Variants in ZNF100 observed in about 807,000 individuals in gnomAD.
ZNF100 encodes zinc finger protein 100, also known as zinc finger protein 100 (Y1).
A neutral mutation model predicts 15.8 loss-of-function variants in ZNF100; 12 were observed. The ratio of observed to expected loss-of-function variants is 0.76; its 90% confidence interval spans 0.49 to 1.23. The LOEUF (loss-of-function observed/expected upper bound fraction) is 1.23. Ranked by LOEUF, ZNF100 falls within the 50% of genes most tolerant of loss-of-function variation. ZNF100 has a pLI of 0.00. For missense variants in ZNF100, 670 were observed against 635.6 expected (o/e 1.05, Z -0.58); for synonymous variants, 226 against 214.8 (o/e 1.05, Z -0.45).
In ZNF100 at chr19:21,767,550, G is replaced by A. The variant is rs1164026997; in HGVS notation, c.-121C>T. 8 of 1,441,270 alleles carry A rather than the reference G, an allele frequency of 5.6e-6. No homozygotes were observed. Among genetic ancestry groups the A allele is most frequent in the South Asian group, 1.3e-5 (1 of 77,350 alleles). 89.3% of individuals were successfully genotyped at this position (1,441,270 alleles called of 1,614,324 possible). On this transcript the variant is annotated 5_prime_UTR_variant, in exon 1 of 5. Transcript: ENST00000358296. ...ACACAGAGAAGTGAGAGCAAAACCT[G>A]GAGCTCCGGCTACAGCGAGAGACAA...
chr19:21,745,570 C>T (rs928593721), intron 2 of ZNF100, among the ~76,000 whole-genome samples: 2 of 151,018 alleles, frequency 1.3e-5, no homozygotes, highest in Admixed American at 1.3e-4. Flanking sequence ...GGCCGGACTG[C>T]GGACTGCAGT....
intron 4 of ZNF100, among the ~76,000 whole-genome samples, chr19:21,733,482 AAAT>A (rs1401843572): frequency 5.3e-5 from 8 of 152,234 alleles, no homozygotes; most frequent in Admixed American, 2.0e-4. Flanking sequence ...ACAAAATAAA[AAAT>A]AATCAAAGCA....
At chr19:21,748,435 T>C (rs1320817687) in intron 2 of ZNF100, among the ~76,000 whole-genome samples, 1 of 152,198 alleles carries the variant, frequency 6.6e-6, no homozygotes, top group African/African-American at 2.4e-5. Context: ...CTGTTTTTCC[T>C]AAGCTTACCT....
At chr19:21,744,139 A>G in intron 3 of ZNF100, 24 bp from the exon 4 acceptor site, 1 of 1,568,836 alleles carries the variant, frequency 6.4e-7, no homozygotes, top group Non-Finnish European at 8.7e-7. Context: ...AAATAACATG[A>G]ATCTTTCTCA....
chr19:21,758,681 G>A (rs1424389538), intron 2 of ZNF100, among the ~76,000 whole-genome samples: 1 of 152,188 alleles, frequency 6.6e-6, no homozygotes, highest in Non-Finnish European at 1.5e-5. Flanking sequence ...CCACAACGCT[G>A]TAGTGAAATT....
At chr19:21,731,583 A>G (rs1330492380) in intron 4 of ZNF100, among the ~76,000 whole-genome samples, 1 of 152,178 alleles carries the variant, frequency 6.6e-6, no homozygotes, top group African/African-American at 2.4e-5. Context: ...CTGGGATTAC[A>G]GGCATGAGCC....
chr19:21,765,647 T>G, intron 2 of ZNF100, 47 bp downstream of exon 2: 1 of 1,578,840 alleles, frequency 6.3e-7, no homozygotes, highest in Non-Finnish European at 8.7e-7. Flanking sequence ...CTCCAAGAAA[T>G]GAAAGCTGGG....
chr19:21,729,654 A>G (rs531953001), intron 4 of ZNF100, among the ~76,000 whole-genome samples: 1 of 152,282 alleles, frequency 6.6e-6, no homozygotes, highest in Admixed American at 6.5e-5. Context: ...TTATATGCAC[A>G]TATATACTTT....
At chr19:21,744,439 C>T (rs183942314) in intron 3 of ZNF100, among the ~76,000 whole-genome samples, 1 of 152,250 alleles carries the variant, frequency 6.6e-6, no homozygotes, top group East Asian at 1.9e-4. Context: ...GTGGCATGAT[C>T]TCGGCTCACT....
At position 21,731,319 on chromosome 19, in the gene ZNF100, TA is replaced by T. The variant is rs376178748; in HGVS notation, c.323-3331del. ...TTTCTTTCCTTTTTTTTTTATTTTTTATTTTTTGAGATGGAGTCTTGCACTG... is the reference window on the plus strand; with the variant it reads ...TTTCTTTCCTTTTTTTTTTATTTTTTTTTTTTGAGATGGAGTCTTGCACTG... On this transcript the variant is annotated intron_variant, in intron 4 of 4. Transcript: ENST00000358296. Among the ~76,000 whole-genome samples the T allele has an allele frequency of 3.0e-3, 444 of 147,500 alleles. 17 individuals carry two copies. Among genetic ancestry groups the T allele is most frequent in the African/African-American group, 0.011 (417 of 37,568 alleles).
At chr19:21,752,554 TAAAC>T (rs1486453692) in intron 2 of ZNF100, 1 of 98,022 alleles carries the variant, frequency 1.0e-5, no homozygotes, top group African/African-American at 3.7e-5. Context: ...TCTGCGGTCA[TAAAC>T]AAAGGAAGTA....
At chr19:21,754,824 G>A (rs898065397) in intron 2 of ZNF100, among the ~76,000 whole-genome samples, 2 of 152,106 alleles carry the variant, frequency 1.3e-5, no homozygotes, top group African/African-American at 4.8e-5. Flanking sequence ...CTTCTGCACA[G>A]CAAAAGAAAA....
At position 21,745,196 on chromosome 19, in the gene ZNF100, C is replaced by G. The variant is rs184810224; in HGVS notation, c.97-129G>C. 154 of 1,397,836 alleles carry G rather than the reference C, an allele frequency of 1.1e-4. No homozygotes were observed. The African/African-American group carries it at 2.0e-3, about 19-fold the overall frequency. The allele number at this position is 1,397,836 out of a possible 1,614,324, so 86.6% of individuals were successfully genotyped here. ...CTGATTAATAGAAATGACAAATTTTCCAATAATTTTTAACACAGAAATATT... is the reference window on the plus strand; with the variant it reads ...CTGATTAATAGAAATGACAAATTTTGCAATAATTTTTAACACAGAAATATT... On this transcript the variant is annotated intron_variant, in intron 2 of 4. Transcript: ENST00000358296.
chr19:21,741,950 T>C (rs552771083), intron 4 of ZNF100, among the ~76,000 whole-genome samples: 74 of 152,046 alleles, frequency 4.9e-4, no homozygotes, highest in Non-Finnish European at 8.2e-4. Flanking sequence ...AATCCTGGGA[T>C]TACAGCTGTG....
intron 4 of ZNF100, among the ~76,000 whole-genome samples, chr19:21,729,944 C>A (rs1310311510): frequency 6.6e-6 from 1 of 151,440 alleles, no homozygotes; most frequent in African/African-American, 2.4e-5. Flanking sequence ...TACGTAATCC[C>A]CAAGGTCCAA....
chr19:21,767,462 C>T lies in ZNF100; in HGVS notation c.-33G>A. 6.2e-7 allele frequency: 1 copy of T among 1,614,048 alleles called. No individual in the cohort carries two copies. Among genetic ancestry groups the T allele is most frequent in the South Asian group, 1.1e-5 (1 of 91,080 alleles). On this transcript the variant is annotated 5_prime_UTR_variant, in exon 1 of 5. Transcript: ENST00000358296. Reference sequence around the variant, plus strand: ...CTTCTAGGGGGTCCTGGCGTCTTAGCTGTGGATCTCCCAATATCTGCAGGT... The same window carrying T: ...CTTCTAGGGGGTCCTGGCGTCTTAGTTGTGGATCTCCCAATATCTGCAGGT...
intron 4 of ZNF100, among the ~76,000 whole-genome samples, chr19:21,739,817 G>C (rs114302517): frequency 0.023 from 3,501 of 151,960 alleles, 144 homozygotes; most frequent in African/African-American, 0.081. Flanking sequence ...TAAATAAACT[G>C]TCTCTAATAA....
At chr19:21,751,810 T>A in intron 2 of ZNF100, 1 of 1,066,954 alleles carries the variant, frequency 9.4e-7, no homozygotes, top group Non-Finnish European at 1.4e-6. Context: ...ACCTAGAGGC[T>A]ATTTCTAGAT....
rs1271307036 is a variant in ZNF100, at chr19:21,731,987, TCAC to T, written c.323-4001_323-3999del. Among the ~76,000 whole-genome samples, 10 of 152,304 alleles carry T rather than the reference TCAC, an allele frequency of 6.6e-5. No homozygotes were observed. In the East Asian group the frequency reaches 1.9e-3, roughly 29 times the overall value. ...TTGATAATGGGCCTGGTGCCGGGAC[TCAC>T]ATCTGTAATCCCAGCACTTTGGGAG... On this transcript the variant is annotated intron_variant, in intron 4 of 4. Coordinates refer to ENST00000358296, the MANE Select transcript of ZNF100 (RefSeq NM_173531.4).
Sources: gnomAD v4.1 joint callset for allele counts (sites outside exome capture counted in the v4.1 genomes callset) on GRCh38, gnomAD v4.1.1 for gene constraint, MANE v1.5 for transcripts, NCBI Gene and HGNC (gene_info 2026-07-23, HGNC 2026-07-21) for gene names.